The following NSUN6 variants were observed in gnomAD, a reference collection of about 807,000 sequenced individuals.
NSUN6 encodes NOP2/Sun RNA methyltransferase 6, also known as tRNA (cytosine(72)-C(5))-methyltransferase NSUN6.
A neutral mutation model predicts 58.0 loss-of-function variants in NSUN6; 64 were observed. That is an observed-to-expected ratio of 1.10 (90% CI 0.90 to 1.36). The LOEUF is 1.36. NSUN6 is among the 40% of genes most tolerant of loss of function. The pLI, the probability that NSUN6 is intolerant of heterozygous loss-of-function variation, is 0.00. For synonymous variants in NSUN6, 231 were observed against 193.9 expected (o/e 1.19, Z -1.59); for missense variants, 701 against 550.1 (o/e 1.27, Z -2.74).
chr10:18,580,416 C>T (rs1015048419), intron 8 of NSUN6, among the ~76,000 whole-genome samples: 6 of 152,164 alleles, frequency 3.9e-5, no homozygotes, highest in African/African-American at 1.2e-4. Context: ...GGACTGTGGT[C>T]TCTCCCTAAG....
chr10:18,557,430 G>T (rs1469606216), intron 8 of NSUN6, among the ~76,000 whole-genome samples: 1 of 151,078 alleles, frequency 6.6e-6, no homozygotes. Context: ...GAATGGAATG[G>T]AGAATGGAAT....
intron 2 of NSUN6, among the ~76,000 whole-genome samples, chr10:18,646,418 T>G (rs906440100): frequency 2.0e-5 from 3 of 152,168 alleles, no homozygotes; most frequent in Non-Finnish European, 4.4e-5. Context: ...TGACCGAAGC[T>G]TCCCTGTCCA....
chr10:18,623,540 G>T (rs2058682905), intron 3 of NSUN6, among the ~76,000 whole-genome samples: 1 of 152,162 alleles, frequency 6.6e-6, no homozygotes, highest in South Asian at 2.1e-4. Flanking sequence ...TTAGGACCAG[G>T]ACCACAGGCT....
intron 3 of NSUN6, among the ~76,000 whole-genome samples, chr10:18,640,170 C>T (rs1376073759): frequency 1.3e-5 from 2 of 152,148 alleles, no homozygotes; most frequent in African/African-American, 4.8e-5. Flanking sequence ...AATTGCAGAA[C>T]ATTGTAATCT....
intron 8 of NSUN6, among the ~76,000 whole-genome samples, chr10:18,553,583 T>C (rs1049908651): frequency 7.1e-6 from 1 of 141,540 alleles, no homozygotes; most frequent in African/African-American, 2.7e-5. Context: ...GGAATGGAGA[T>C]TGTTTTGAAT....
intron 3 of NSUN6, among the ~76,000 whole-genome samples, chr10:18,626,234 T>TAA (rs527784443): frequency 1.4e-5 from 2 of 142,578 alleles, no homozygotes; most frequent in Admixed American, 7.0e-5. Flanking sequence ...TGACAATGTT[T>TAA]AAAAAAAAAA....
At chr10:18,648,730 C>T (rs1339554646) in intron 1 of NSUN6, 85 bp from the exon 2 acceptor site, 2 of 721,230 alleles carry the variant, frequency 2.8e-6, no homozygotes, top group Non-Finnish European at 4.6e-6. Flanking sequence ...TCTAATGAAA[C>T]ATCGCTTAGC....
intron 8 of NSUN6, among the ~76,000 whole-genome samples, chr10:18,564,137 CCAGTCCATTCTCCATTA>C (rs1388575763): frequency 6.6e-6 from 1 of 151,190 alleles, no homozygotes; most frequent in Non-Finnish European, 1.5e-5. Flanking sequence ...ATCCCATTTC[CCAGTCCATTCTCCATTA>C]CAGTCCATTC....
intron 8 of NSUN6, among the ~76,000 whole-genome samples, chr10:18,583,326 T>G (rs2056987200): frequency 6.6e-6 from 1 of 152,154 alleles, no homozygotes; most frequent in African/African-American, 2.4e-5. Flanking sequence ...GCTGACTCCC[T>G]TTTCGGACTC....
chr10:18,648,402 G>T, intron 2 of NSUN6, 88 bp downstream of exon 2: 1 of 800,536 alleles, frequency 1.2e-6, no homozygotes, highest in Non-Finnish European at 2.1e-6. Context: ...AACTGGAAGT[G>T]TATTATATCA....
intron 6 of NSUN6, among the ~76,000 whole-genome samples, chr10:18,598,916 C>T (rs982568831): frequency 1.3e-5 from 2 of 151,988 alleles, no homozygotes; most frequent in South Asian, 2.1e-4. Context: ...ATGGATTGGC[C>T]AAAGATTATG....
At position 18,548,171 on chromosome 10, in the gene NSUN6, T is replaced by C; in HGVS notation, c.1138A>G (p.Asn380Asp). 6.2e-7 allele frequency: 1 copy of C among 1,613,916 alleles called. No homozygotes were observed. The highest frequency in any genetic ancestry group is 8.5e-7 in the Non-Finnish European group (1 of 1,179,900). The change falls in exon 10 of 11, where the codon AAT becomes GAT. Residue 380 changes from asparagine to aspartate, a missense_variant. By Grantham distance (23) the Asn-to-Asp change is conservative. Transcript: ENST00000377304. ...AGGGCCCAGGCAACCTGTTCTTCAT[T>C]TTCGGCCAGTGTTATAGTGCACGTG... ...YSTCTITLAE[N>D]EEQVAWALTK...
intron 7 of NSUN6, among the ~76,000 whole-genome samples, chr10:18,590,246 C>T (rs1056741373): frequency 4.6e-5 from 7 of 152,144 alleles, no homozygotes; most frequent in African/African-American, 1.4e-4. Context: ...CAGGAGCACC[C>T]AGATTCATAA....
intron 7 of NSUN6, among the ~76,000 whole-genome samples, chr10:18,589,857 G>A (rs953688185): frequency 4.6e-5 from 7 of 152,072 alleles, no homozygotes; most frequent in South Asian, 4.1e-4. Context: ...CAACTAACGC[G>A]CAAAATAACA....
At chr10:18,598,966 T>C (rs1480573027) in intron 6 of NSUN6, among the ~76,000 whole-genome samples, 1 of 152,188 alleles carries the variant, frequency 6.6e-6, no homozygotes, top group Non-Finnish European at 1.5e-5. Context: ...TTAAGAACTT[T>C]CTGATTTGTA....
chr10:18,651,001 C>A, intron 1 of NSUN6, 128 bp downstream of exon 1: 1 of 1,041,788 alleles, frequency 9.6e-7, no homozygotes, highest in Non-Finnish European at 1.4e-6. Flanking sequence ...GGTATTTTTA[C>A]ACTTGATAGA....
intron 6 of NSUN6, among the ~76,000 whole-genome samples, chr10:18,604,911 A>G (rs1280041774): frequency 6.9e-6 from 1 of 145,252 alleles, no homozygotes; most frequent in East Asian, 2.2e-4. Context: ...TTTGAGACGG[A>G]GTCTCACACT....
intron 1 of NSUN6, 111 bp downstream of exon 1, chr10:18,651,018 G>T (rs2059688351): frequency 1.6e-6 from 2 of 1,275,020 alleles, no homozygotes. Context: ...TAGACAAGTA[G>T]TAAGGAACGA....
intron 9 of NSUN6, among the ~76,000 whole-genome samples, chr10:18,550,503 T>C (rs1255077870): frequency 6.6e-6 from 1 of 152,144 alleles, no homozygotes; most frequent in Non-Finnish European, 1.5e-5. Context: ...TCATCTATGA[T>C]CAAACACTGC....
Sources: allele counts gnomAD v4.1 joint callset (sites outside exome capture counted in the v4.1 genomes callset), GRCh38; gene constraint gnomAD v4.1.1; transcripts MANE v1.5; gene names NCBI Gene and HGNC (gene_info 2026-07-23, HGNC 2026-07-21).